Variants in TSPAN5 observed in about 807,000 individuals in gnomAD.
TSPAN5 encodes the protein tetraspanin 5.
Under a neutral mutation model 37.1 loss-of-function variants are expected in TSPAN5, and 10 were observed. The ratio of observed to expected loss-of-function variants is 0.27; its 90% confidence interval spans 0.17 to 0.46. The LOEUF is 0.46. Ranked by LOEUF, TSPAN5 falls within the 20% of genes least tolerant of loss-of-function variation. TSPAN5 has a pLI of 1.00. For missense variants in TSPAN5, 195 were observed against 326.6 expected (o/e 0.60, Z 3.11); for synonymous variants, 110 against 118.9 (o/e 0.93, Z 0.48).
chr4:98,598,106 C>T (rs1186420259), intron 1 of TSPAN5, among the ~76,000 whole-genome samples: 5 of 108,602 alleles, frequency 4.6e-5, no homozygotes, highest in Admixed American at 9.1e-5. Context: ...GGGCGTAGGA[C>T]CCTCTGAGCC....
chr4:98,514,817 CA>C (rs1330182560), intron 1 of TSPAN5, among the ~76,000 whole-genome samples: 1 of 152,122 alleles, frequency 6.6e-6, no homozygotes, highest in Non-Finnish European at 1.5e-5. Context: ...GGAAACAAAA[CA>C]AAGTGACTGG....
At chr4:98,564,529 T>C (rs1754954497) in intron 1 of TSPAN5, among the ~76,000 whole-genome samples, 1 of 152,190 alleles carries the variant, frequency 6.6e-6, no homozygotes, top group Non-Finnish European at 1.5e-5. Context: ...TGAGTCCTTT[T>C]ATCCCATTAT....
intron 1 of TSPAN5, among the ~76,000 whole-genome samples, chr4:98,519,919 G>A (rs985008143): frequency 7.2e-5 from 11 of 152,172 alleles, no homozygotes; most frequent in African/African-American, 2.4e-4. Context: ...GAGACAAGTG[G>A]AATCTATCTC....
intron 1 of TSPAN5, among the ~76,000 whole-genome samples, chr4:98,626,838 G>C (rs1756611821): frequency 7.4e-6 from 1 of 135,274 alleles, no homozygotes. Flanking sequence ...ATTTTTTCTT[G>C]TTGGTTATCT....
chr4:98,535,354 T>C (rs1754206448), intron 1 of TSPAN5, among the ~76,000 whole-genome samples: 3 of 152,212 alleles, frequency 2.0e-5, no homozygotes, highest in African/African-American at 7.2e-5. Flanking sequence ...ATGTTGAGTA[T>C]TGGCCCCCAC....
intron 1 of TSPAN5, among the ~76,000 whole-genome samples, chr4:98,617,155 CACTT>C (rs918645240): frequency 1.3e-5 from 2 of 152,128 alleles, no homozygotes; most frequent in African/African-American, 4.8e-5. Flanking sequence ...GTGTAGGTGT[CACTT>C]ACACAGAAGT....
chr4:98,630,701 A>G (rs1412285845), intron 1 of TSPAN5, among the ~76,000 whole-genome samples: 1 of 152,178 alleles, frequency 6.6e-6, no homozygotes, highest in Non-Finnish European at 1.5e-5. Context: ...ACTTAAGTCC[A>G]CTTAGATCAC....
rs1408156540 is a variant in TSPAN5 at position 98,658,450 on chromosome 4, A to C, written c.-224T>G. ...CGCCGGAGCCGGGGTGGCCGCGAGAAAGCAGGGAAGCCGCGCGCTGCAAGC... is the reference window on the plus strand; with the variant it reads ...CGCCGGAGCCGGGGTGGCCGCGAGACAGCAGGGAAGCCGCGCGCTGCAAGC... On this transcript the variant is annotated 5_prime_UTR_variant, in exon 1 of 8. Coordinates refer to ENST00000305798, the MANE Select transcript of TSPAN5 (RefSeq NM_005723.4). 6.7e-6 allele frequency: 2 copies of C among 296,584 alleles called. No individual in the cohort carries two copies. The allele number at this position is 296,584 out of a possible 1,614,324, so 18.4% of individuals were successfully genotyped here.
chr4:98,488,945 T>C (rs558567651), intron 2 of TSPAN5, among the ~76,000 whole-genome samples: 1 of 152,302 alleles, frequency 6.6e-6, no homozygotes, highest in South Asian at 2.1e-4. Context: ...CCAGGGTTGT[T>C]AGGAAACCAG....
intron 1 of TSPAN5, among the ~76,000 whole-genome samples, chr4:98,617,961 C>T (rs1415499202): frequency 6.6e-6 from 1 of 152,274 alleles, no homozygotes; most frequent in Non-Finnish European, 1.5e-5. Flanking sequence ...CCTCCTCCAA[C>T]TTCACTTCAC....
chr4:98,634,589 C>T (rs12509052), intron 1 of TSPAN5, among the ~76,000 whole-genome samples: 16,379 of 152,246 alleles, frequency 0.11, 1,145 homozygotes, highest in South Asian at 0.3. Context: ...GAGGGAAAAA[C>T]GCTTTGTCAG....
At chr4:98,527,968 T>C (rs572015608) in intron 1 of TSPAN5, among the ~76,000 whole-genome samples, 1 of 152,278 alleles carries the variant, frequency 6.6e-6, no homozygotes, top group South Asian at 2.1e-4. Flanking sequence ...GAAAGACAAA[T>C]ATTCTTCCTC....
rs1044639839 is a variant in TSPAN5 at position 98,470,485 on chromosome 4, T to C, written c.*2037A>G. 1.1e-4 allele frequency: 17 copies of C among 152,254 alleles called. No individual in the cohort carries two copies. The highest frequency in any genetic ancestry group is 4.1e-4 in the African/African-American group (17 of 41,472). 9.4% of individuals were successfully genotyped at this position (152,254 alleles called of 1,614,324 possible). The stretch of plus-strand genomic sequence containing the variant: ...TCGGACTTGCTGTTTGGCCTTTCAG[T>C]GGATGTGCCAAAGGGCAGGGATCTT... On this transcript the variant is annotated 3_prime_UTR_variant, in exon 8 of 8. Coordinates refer to ENST00000305798, the MANE Select transcript of TSPAN5 (RefSeq NM_005723.4).
At chr4:98,649,628 T>C (rs888398578) in intron 1 of TSPAN5, among the ~76,000 whole-genome samples, 1 of 152,244 alleles carries the variant, frequency 6.6e-6, no homozygotes, top group African/African-American at 2.4e-5. Context: ...CACATAATAC[T>C]GGATAACAAC....
At position 98,556,008 on chromosome 4, in the gene TSPAN5, T is replaced by TGCGTGCGCACACACACACGC. The variant is rs1560535852; in HGVS notation, c.82-48281_82-48280insGCGTGTGTGTGTGCGCACGC. On this transcript the variant is annotated intron_variant, in intron 1 of 7. Coordinates refer to ENST00000305798, the MANE Select transcript of TSPAN5 (RefSeq NM_005723.4). ...ACACGTGCGTGCGCACACACACACG[T>TGCGTGCGCACACACACACGC]GCACAGCACACACCCCCACACACAC... Among the ~76,000 whole-genome samples the TGCGTGCGCACACACACACGC allele has an allele frequency of 3.0e-4, 41 of 137,038 alleles. 1 individual carries two copies. In the South Asian group the frequency reaches 7.0e-3, roughly 23 times the overall value. 89.9% of individuals were successfully genotyped at this position (137,038 alleles called of 152,430 possible). A position where few individuals can be genotyped will look rare whatever the true frequency, so the allele number is the denominator to read the frequency against.
At chr4:98,630,376 T>C (rs1756715335) in intron 1 of TSPAN5, among the ~76,000 whole-genome samples, 1 of 152,114 alleles carries the variant, frequency 6.6e-6, no homozygotes, top group African/African-American at 2.4e-5. Flanking sequence ...TCTAAAACAT[T>C]CCCTCATTAC....
At chr4:98,601,521 AC>A in intron 1 of TSPAN5, among the ~76,000 whole-genome samples, 1 of 152,098 alleles carries the variant, frequency 6.6e-6, no homozygotes, top group East Asian at 1.9e-4. Flanking sequence ...CTTTGGCTAG[AC>A]TCCGGCTTTT....
intron 1 of TSPAN5, among the ~76,000 whole-genome samples, chr4:98,629,580 A>G (rs1435143946): frequency 6.6e-6 from 1 of 152,222 alleles, no homozygotes; most frequent in East Asian, 1.9e-4. Flanking sequence ...TATTAATTTA[A>G]GTTGCTGCTA....
At chr4:98,558,900 G>A (rs1350070006) in intron 1 of TSPAN5, among the ~76,000 whole-genome samples, 1 of 151,548 alleles carries the variant, frequency 6.6e-6, no homozygotes, top group Non-Finnish European at 1.5e-5. Context: ...CATAACCTGT[G>A]AATGTCTTCT....
Sources: gnomAD v4.1 joint callset for allele counts (sites outside exome capture counted in the v4.1 genomes callset) on GRCh38, gnomAD v4.1.1 for gene constraint, MANE v1.5 for transcripts, NCBI Gene and HGNC (gene_info 2026-07-23, HGNC 2026-07-21) for gene names.